NR1I3: variants seen among roughly 807,000 people sequenced by gnomAD.
The protein encoded by NR1I3 is nuclear receptor subfamily 1 group I member 3.
NR1I3 carries 30 observed loss-of-function variants against 38.4 expected under a neutral mutation model. The observed-to-expected ratio is 0.78, with a 90% CI of 0.58 to 1.06. The LOEUF is 1.06. NR1I3 is among the 50% of genes least tolerant of loss of function. The pLI is 0.00. For synonymous variants in NR1I3, 143 were observed against 165.1 expected (o/e 0.87, Z 1.03); for missense variants, 388 against 435.7 (o/e 0.89, Z 0.97).
At position 161,235,836 on chromosome 1, in the gene NR1I3, G is replaced by A. The variant is rs1323278843; in HGVS notation, c.238+11C>T. The A allele has an allele frequency of 6.8e-6, 11 of 1,613,810 alleles. No homozygotes were observed. The highest frequency in any genetic ancestry group is 2.7e-5 in the African/African-American group (2 of 74,898). On this transcript the variant is annotated intron_variant, in intron 3 of 8. Transcript: ENST00000367983. ...GTCAATGGATTCTTGAGATGTAGGGGGCCAACTCACTGTCTTTCCTCATGC... is the reference window on the plus strand; with the variant it reads ...GTCAATGGATTCTTGAGATGTAGGGAGCCAACTCACTGTCTTTCCTCATGC...
intron 5 of NR1I3, among the ~76,000 whole-genome samples, chr1:161,231,999 T>A (rs1361082704): frequency 6.6e-6 from 1 of 151,746 alleles, no homozygotes; most frequent in African/African-American, 2.4e-5. Flanking sequence ...TTAATTAATT[T>A]ATTTTTGAGA....
Position 161,235,976 on chromosome 1 carries a change from T to G in NR1I3, c.109A>C (p.Arg37=), listed in dbSNP as rs755509541. The change falls in exon 3 of 9, where the codon AGA becomes CGA. Residue 37 remains arginine, a splice_region_variant and synonymous_variant. Transcript: ENST00000367983. ...GGACCAATGCTTTTGCTGACTGTTCTCCTGTGAGACACAGAGATGTTGTTA... is the reference window on the plus strand; with the variant it reads ...GGACCAATGCTTTTGCTGACTGTTCGCCTGTGAGACACAGAGATGTTGTTA... ...TCEGCKGFFR[R]TVSKSIGPTC... is the part of the protein sequence containing the mutation. The G allele has an allele frequency of 1.3e-6, 2 of 1,589,896 alleles. No individual in the cohort carries two copies. Among genetic ancestry groups the G allele is most frequent in the Non-Finnish European group, 1.7e-6 (2 of 1,168,738 alleles).
chr1:161,236,165 A>G (rs1051702956), intron 2 of NR1I3, 188 bp from the exon 3 acceptor site: 1 of 711,348 alleles, frequency 1.4e-6, no homozygotes, highest in Non-Finnish European at 2.3e-6. Flanking sequence ...ATCACTCCAG[A>G]AAGCCTAGTT....
chr1:161,236,649 T>C (rs1668652672), intron 1 of NR1I3, 51 bp from the exon 2 acceptor site: 1 of 1,577,806 alleles, frequency 6.3e-7, no homozygotes, highest in East Asian at 2.2e-5. Context: ...TTGACCCTTT[T>C]CTGTCCCTTC....
chr1:161,236,851 T>C (rs1159076797), intron 1 of NR1I3, among the ~76,000 whole-genome samples: 2 of 151,598 alleles, frequency 1.3e-5, no homozygotes, highest in Non-Finnish European at 2.9e-5. Flanking sequence ...TTCAGCCTCC[T>C]GAGTAGCAGG....
At chr1:161,236,014 C>CCA in intron 2 of NR1I3, 37 bp from the exon 3 acceptor site, 2 of 1,553,932 alleles carry the variant, frequency 1.3e-6, no homozygotes, top group Non-Finnish European at 1.7e-6. Context: ...GTCTGGGATG[C>CCA]AATGGATAGG....
At chr1:161,234,571 T>C (rs1030166626) in intron 3 of NR1I3, among the ~76,000 whole-genome samples, 3 of 152,128 alleles carry the variant, frequency 2.0e-5, no homozygotes, top group Non-Finnish European at 4.4e-5. Context: ...TACAACTTCT[T>C]CTTCCTTCTT....
At chr1:161,232,029 C>T (rs1407047827) in intron 5 of NR1I3, among the ~76,000 whole-genome samples, 1 of 151,870 alleles carries the variant, frequency 6.6e-6, no homozygotes, top group African/African-American at 2.4e-5. Context: ...GCTCTGTCAC[C>T]CAGGCTGGAT....
chr1:161,235,991 A>C lies in NR1I3; in HGVS notation c.108-14T>G. On this transcript the variant is annotated splice_polypyrimidine_tract_variant and intron_variant, in intron 2 of 8. Coordinates refer to ENST00000367983, the MANE Select transcript of NR1I3 (RefSeq NM_005122.5). Reference sequence around the variant, plus strand: ...CTGACTGTTCTCCTGTGAGACACAGAGATGTTGTTAGAGTCTGGGATGCAA... The same window carrying C: ...CTGACTGTTCTCCTGTGAGACACAGCGATGTTGTTAGAGTCTGGGATGCAA... 1 of 1,573,380 alleles carries C rather than the reference A, an allele frequency of 6.4e-7. No homozygotes were observed. Among genetic ancestry groups the C allele is most frequent in the East Asian group, 2.2e-5 (1 of 44,550 alleles).
chr1:161,231,293 G>T (rs372661956), intron 6 of NR1I3, 36 bp downstream of exon 6: 51 of 1,610,544 alleles, frequency 3.2e-5, no homozygotes, highest in Admixed American at 6.7e-5. Context: ...TGTACCATGA[G>T]GACACATGCC....
intron 3 of NR1I3, among the ~76,000 whole-genome samples, chr1:161,233,845 G>A (rs1450024791): frequency 5.6e-5 from 3 of 53,736 alleles, no homozygotes; most frequent in Non-Finnish European, 1.3e-4. Flanking sequence ...ATATGTGTGT[G>A]TGTGTGTGTG....
At chr1:161,230,697 C>A (rs4073054) in intron 8 of NR1I3, 116 bp downstream of exon 8, 928,837 of 1,420,154 alleles carry the variant, frequency 0.65, 307,756 homozygotes, top group East Asian at 0.93. Context: ...CTAGACCCCA[C>A]GATACCTGAA....
intron 8 of NR1I3, chr1:161,230,156 G>T (rs1221637785): frequency 1.9e-6 from 1 of 524,946 alleles, no homozygotes; most frequent in Non-Finnish European, 3.4e-6. Context: ...TGAACCCAGA[G>T]CTCTGAGAGC....
chr1:161,230,184 C>T (rs571576903), intron 8 of NR1I3: 1 of 467,620 alleles, frequency 2.1e-6, no homozygotes, highest in East Asian at 4.2e-5. Context: ...GAAGAAAGCT[C>T]CAGACTTGGC....
Position 161,230,938 on chromosome 1 carries a change from G to A in NR1I3, c.812-20C>T. 6.2e-7 allele frequency: 1 copy of A among 1,613,916 alleles called. No homozygotes were observed. Among genetic ancestry groups the A allele is most frequent in the South Asian group, 1.1e-5 (1 of 91,084 alleles). ...GTCGGTCTGTAAGATAGGGAGCTGG[G>A]AAGGACAAGTTGGGTGGCAGGGGTG... On this transcript the variant is annotated intron_variant, in intron 7 of 8. Coordinates refer to ENST00000367983, the MANE Select transcript of NR1I3 (RefSeq NM_005122.5).
rs568943207 is a variant in NR1I3 at position 161,238,113 on chromosome 1, C to G, written c.-106G>C. 24 of 1,610,454 alleles carry G rather than the reference C, an allele frequency of 1.5e-5. No individual in the cohort carries two copies. Among genetic ancestry groups the G allele is most frequent in the African/African-American group, 2.7e-5 (2 of 74,858 alleles). On this transcript the variant is annotated 5_prime_UTR_variant, in exon 1 of 9. Transcript: ENST00000367983. ...TGGAATGCCTCTCCCCAAACTCCCACGCTGTTGCTGGTTTTCCTCTGATCT... is the reference window on the plus strand; with the variant it reads ...TGGAATGCCTCTCCCCAAACTCCCAGGCTGTTGCTGGTTTTCCTCTGATCT...
Position 161,238,076 on chromosome 1 carries a change from C to G in NR1I3, c.-69G>C. ...TAGGCAGCATGTCACCTGCAGGCCA[C>G]AGAATCTGGTATGGAATGCCTCTCC... On this transcript the variant is annotated 5_prime_UTR_variant, in exon 1 of 9. Transcript: ENST00000367983. The G allele has an allele frequency of 6.2e-7, 1 of 1,614,010 alleles. No homozygotes were observed. The highest frequency in any genetic ancestry group is 8.5e-7 in the Non-Finnish European group (1 of 1,179,884).
chr1:161,233,837 ATGTGTGTGTGTGTGTGTGTGTGTGTG>A lies in NR1I3; in HGVS notation c.239-525_239-500del, dbSNP rs761756944. Among the ~76,000 whole-genome samples, 10 of 118,590 alleles carry A rather than the reference ATGTGTGTGTGTGTGTGTGTGTGTGTG, an allele frequency of 8.4e-5. No individual in the cohort carries two copies. In the East Asian group the frequency reaches 1.4e-3, roughly 16 times the overall value. The allele number at this position is 118,590 out of a possible 152,430, so 77.8% of individuals were successfully genotyped here. ...CAGGGCTGGTATTCATCATATATATATGTGTGTGTGTGTGTGTGTGTGTGTGTGTGTGTGTGTGTGTGTGTGTGTGT... is the reference window on the plus strand; with the variant it reads ...CAGGGCTGGTATTCATCATATATATATGTGTGTGTGTGTGTGTGTGTGTGT... On this transcript the variant is annotated intron_variant, in intron 3 of 8. Transcript: ENST00000367983.
At chr1:161,237,469 C>T (rs1381956513) in intron 1 of NR1I3, among the ~76,000 whole-genome samples, 1 of 151,716 alleles carries the variant, frequency 6.6e-6, no homozygotes, top group Non-Finnish European at 1.5e-5. Flanking sequence ...CCTGTAATTC[C>T]AGCACTTTGG....
Sources: gnomAD v4.1 joint callset for allele counts (sites outside exome capture counted in the v4.1 genomes callset) on GRCh38, gnomAD v4.1.1 for gene constraint, MANE v1.5 for transcripts, NCBI Gene and HGNC (gene_info 2026-07-23, HGNC 2026-07-21) for gene names.